The following GPATCH2 variants were observed in gnomAD, a reference collection of about 807,000 sequenced individuals.
GPATCH2 encodes G patch domain-containing protein 2.
GPATCH2 carries 51 observed loss-of-function variants against 58.0 expected under a neutral mutation model. That is an observed-to-expected ratio of 0.88 (90% CI 0.70 to 1.11). The LOEUF (loss-of-function observed/expected upper bound fraction) is 1.11. Ranked by LOEUF, GPATCH2 falls within the 50% of genes most tolerant of loss-of-function variation. The pLI is 0.00. For missense variants in GPATCH2, 625 were observed against 652.2 expected (o/e 0.96, Z 0.45); for synonymous variants, 222 against 218.5 (o/e 1.02, Z -0.14).
chr1:217,525,037 C>A (rs1198482986), intron 5 of GPATCH2, among the ~76,000 whole-genome samples: 2 of 148,308 alleles, frequency 1.3e-5, no homozygotes, highest in Non-Finnish European at 3.0e-5. Flanking sequence ...AATATATAAT[C>A]ATATATTTAA....
intron 5 of GPATCH2, among the ~76,000 whole-genome samples, chr1:217,606,241 A>G (rs1014655599): frequency 4.6e-5 from 7 of 151,400 alleles, no homozygotes; most frequent in East Asian, 2.0e-4. Flanking sequence ...GAGAAGGCCT[A>G]TGTGCTCTGT....
intron 5 of GPATCH2, among the ~76,000 whole-genome samples, chr1:217,549,590 G>A (rs1380273143): frequency 2.0e-5 from 3 of 152,100 alleles, no homozygotes; most frequent in Admixed American, 1.3e-4. Context: ...CCATTCAAAA[G>A]TAATGAAATA....
At chr1:217,545,327 A>G (rs761184604) in intron 5 of GPATCH2, among the ~76,000 whole-genome samples, 1 of 152,202 alleles carries the variant, frequency 6.6e-6, no homozygotes, top group Non-Finnish European at 1.5e-5. Flanking sequence ...GACAAGCACT[A>G]CCAAGACCAT....
rs117046032 is a variant in GPATCH2 at position 217,476,972 on chromosome 1, C to T, written c.1277+14708G>A. ...CAACTCATAACTCCAAAAGGGATCC[C>T]TTTCATCTTCTGGAGGAGATGAGAG... On this transcript the variant is annotated intron_variant, in intron 8 of 9. Coordinates refer to ENST00000366935, the MANE Select transcript of GPATCH2 (RefSeq NM_018040.5). Among the ~76,000 whole-genome samples, 107 of 152,188 alleles carry T rather than the reference C, an allele frequency of 7.0e-4. 2 individuals carry two copies. The East Asian group carries it at 0.015, about 21-fold the overall frequency.
chr1:217,515,912 T>C (rs1663119975), intron 5 of GPATCH2, among the ~76,000 whole-genome samples: 1 of 151,984 alleles, frequency 6.6e-6, no homozygotes, highest in Non-Finnish European at 1.5e-5. Flanking sequence ...CATTTAAATA[T>C]ATACAAAAAC....
chr1:217,564,398 C>G (rs1300113126), intron 5 of GPATCH2, among the ~76,000 whole-genome samples: 1 of 152,140 alleles, frequency 6.6e-6, no homozygotes, highest in Non-Finnish European at 1.5e-5. Context: ...ACTGTAGCAA[C>G]AAATTAACTC....
At chr1:217,562,383 C>A (rs916764730) in intron 5 of GPATCH2, among the ~76,000 whole-genome samples, 4 of 152,098 alleles carry the variant, frequency 2.6e-5, no homozygotes, top group African/African-American at 7.2e-5. Context: ...AGGCTGGATT[C>A]CTATCCTCTT....
At chr1:217,493,517 G>T (rs1281066366) in intron 7 of GPATCH2, among the ~76,000 whole-genome samples, 1 of 151,996 alleles carries the variant, frequency 6.6e-6, no homozygotes, top group African/African-American at 2.4e-5. Context: ...GCAAATATTT[G>T]CTGAATGAAT....
chr1:217,541,260 T>C (rs1024686517), intron 5 of GPATCH2, among the ~76,000 whole-genome samples: 1 of 152,184 alleles, frequency 6.6e-6, no homozygotes, highest in Non-Finnish European at 1.5e-5. Flanking sequence ...TTTCTTCAAA[T>C]TGTGACTTTA....
chr1:217,459,614 A>AAAAACCTAT (rs1558407451), intron 8 of GPATCH2, among the ~76,000 whole-genome samples: 1 of 152,182 alleles, frequency 6.6e-6, no homozygotes, highest in Non-Finnish European at 1.5e-5. Flanking sequence ...ATCTCACATA[A>AAAAACCTAT]AAAACCTATC....
intron 1 of GPATCH2, among the ~76,000 whole-genome samples, chr1:217,628,936 G>A (rs1669593358): frequency 6.6e-6 from 1 of 151,968 alleles, no homozygotes. Flanking sequence ...ATTTTGGGGG[G>A]GTATACTGGA....
chr1:217,472,080 C>G (rs1346016284), intron 8 of GPATCH2, among the ~76,000 whole-genome samples: 4 of 151,970 alleles, frequency 2.6e-5, no homozygotes, highest in African/African-American at 9.7e-5. Flanking sequence ...CAAATTCAAA[C>G]CCTCCTCCTT....
At chr1:217,528,660 G>A (rs1454499992) in intron 5 of GPATCH2, among the ~76,000 whole-genome samples, 1 of 152,164 alleles carries the variant, frequency 6.6e-6, no homozygotes, top group Non-Finnish European at 1.5e-5. Flanking sequence ...GAGGTAACAT[G>A]TCTAGAAGAG....
intron 8 of GPATCH2, among the ~76,000 whole-genome samples, chr1:217,473,346 T>C (rs1660819947): frequency 1.3e-5 from 2 of 151,864 alleles, no homozygotes; most frequent in Non-Finnish European, 2.9e-5. Flanking sequence ...ATTGATTGCA[T>C]GTAATGACCA....
chr1:217,496,592 G>C (rs1662018731), intron 7 of GPATCH2, among the ~76,000 whole-genome samples: 1 of 152,172 alleles, frequency 6.6e-6, no homozygotes, highest in Non-Finnish European at 1.5e-5. Flanking sequence ...GAGAAAATAT[G>C]TGCTTTAGAT....
rs1658423575 is a variant in GPATCH2 at position 217,429,184 on chromosome 1, C to T, written c.*1961G>A. ...AAGTTTTAAAACTTGTATATAATCT[C>T]CCCCCGGCTACATAGACAGAATGAG... On this transcript the variant is annotated 3_prime_UTR_variant, in exon 10 of 10. Coordinates refer to ENST00000366935, the MANE Select transcript of GPATCH2 (RefSeq NM_018040.5). 1 of 151,998 alleles carries T rather than the reference C, an allele frequency of 6.6e-6. No individual in the cohort carries two copies. Among genetic ancestry groups the T allele is most frequent in the African/African-American group, 2.4e-5 (1 of 41,382 alleles). The allele number at this position is 151,998 out of a possible 1,614,324, so 9.4% of individuals were successfully genotyped here. A position where few individuals can be genotyped will look rare whatever the true frequency, so the allele number is the denominator to read the frequency against.
chr1:217,498,958 G>A (rs368259242), intron 6 of GPATCH2, among the ~76,000 whole-genome samples: 1 of 152,052 alleles, frequency 6.6e-6, no homozygotes. Flanking sequence ...TAAAAATATA[G>A]AAGTCACTGC....
intron 5 of GPATCH2, among the ~76,000 whole-genome samples, chr1:217,522,190 TTTAGAATTATTGGTCTA>T (rs1663499816): frequency 6.6e-6 from 1 of 152,180 alleles, no homozygotes; most frequent in Non-Finnish European, 1.5e-5. Flanking sequence ...TAATTAAGAA[TTTAGAATTATTGGTCTA>T]TTAGAATAAT....
At chr1:217,491,915 A>G (rs1661761690) in intron 7 of GPATCH2, among the ~76,000 whole-genome samples, 165 bp from the exon 8 acceptor site, 1 of 147,090 alleles carries the variant, frequency 6.8e-6, no homozygotes, top group African/African-American at 2.5e-5. Context: ...TGTAAGTACT[A>G]CTTTTTCTGG....
Sources: allele counts gnomAD v4.1 joint callset (sites outside exome capture counted in the v4.1 genomes callset), GRCh38; gene constraint gnomAD v4.1.1; transcripts MANE v1.5; gene names NCBI Gene and HGNC (gene_info 2026-07-23, HGNC 2026-07-21).